Variants in PDE8B observed in about 807,000 individuals in gnomAD.
The protein encoded by PDE8B is high affinity cAMP-specific and IBMX-insensitive 3',5'-cyclic phosphodiesterase 8B.
In PDE8B, 26 loss-of-function variants were observed where a neutral mutation model predicts 101.3. The observed-to-expected ratio is 0.26, with a 90% CI of 0.19 to 0.36. The LOEUF (loss-of-function observed/expected upper bound fraction) is 0.36. Ranked by LOEUF, PDE8B falls within the 10% of genes least tolerant of loss-of-function variation. The pLI, the probability that PDE8B is intolerant of heterozygous loss-of-function variation, is 1.00. For synonymous variants in PDE8B, 424 were observed against 429.3 expected, an observed-to-expected ratio of 0.99 and a Z score of 0.15; for missense variants, 810 against 1,163.1, an observed-to-expected ratio of 0.70 and a Z score of 4.42.
chr5:77,290,075 G>A (rs564771026), intron 1 of PDE8B, among the ~76,000 whole-genome samples: 17 of 152,306 alleles, frequency 1.1e-4, no homozygotes, highest in African/African-American at 2.2e-4. Flanking sequence ...AGATACATCC[G>A]TGAGTAATAC....
chr5:77,107,998 G>C, the PDE8B span, among the ~76,000 whole-genome samples: 1 of 152,010 alleles, frequency 6.6e-6, no homozygotes, highest in African/African-American at 2.4e-5. Context: ...GTAACAGATC[G>C]CAGTCATTCC....
chr5:77,419,718 A>G, intron 18 of PDE8B, 49 bp from the exon 19 acceptor site: 1 of 1,609,892 alleles, frequency 6.2e-7, no homozygotes, highest in Non-Finnish European at 8.5e-7. Context: ...GAATAGTTAT[A>G]ATTTGAGACA....
At chr5:77,104,906 C>T in the PDE8B span, 1 of 152,156 alleles carries the variant, frequency 6.6e-6, no homozygotes, top group African/African-American at 2.4e-5. Context: ...TTAATCAAGA[C>T]ACAGAATGTT....
the PDE8B span, among the ~76,000 whole-genome samples, chr5:77,126,000 G>C: frequency 1.3e-5 from 2 of 152,178 alleles, no homozygotes; most frequent in African/African-American, 4.8e-5. Context: ...TTAAAAGTTA[G>C]TTACAGCCGG....
At chr5:77,115,802 CGCT>C in the PDE8B span, among the ~76,000 whole-genome samples, 2 of 152,134 alleles carry the variant, frequency 1.3e-5, no homozygotes, top group African/African-American at 4.8e-5. Flanking sequence ...ACCCTCTTGA[CGCT>C]GGAGGTACAG....
At chr5:77,379,372 G>A (rs1787013234) in intron 10 of PDE8B, among the ~76,000 whole-genome samples, 1 of 152,132 alleles carries the variant, frequency 6.6e-6, no homozygotes, top group South Asian at 2.1e-4. Context: ...TTCATATGCA[G>A]TTTCATCTAT....
chr5:77,421,720 A>C (rs1796685813), intron 19 of PDE8B, 101 bp from the exon 20 acceptor site: 1 of 1,084,090 alleles, frequency 9.2e-7, no homozygotes, highest in African/African-American at 1.5e-5. Context: ...TCCCAGTCCT[A>C]CCTGTGTGCT....
Position 77,427,997 on chromosome 5 carries a change from G to GT in PDE8B, c.*1450dup, listed in dbSNP as rs1200860767. The GT allele has an allele frequency of 2.6e-5, 4 of 152,180 alleles. No individual in the cohort carries two copies. The highest frequency in any genetic ancestry group is 2.9e-5 in the Non-Finnish European group (2 of 67,974). 9.4% of individuals were successfully genotyped at this position (152,180 alleles called of 1,614,324 possible). A position where few individuals can be genotyped will look rare whatever the true frequency, so the allele number is the denominator to read the frequency against. On this transcript the variant is annotated 3_prime_UTR_variant, in exon 22 of 22. Transcript: ENST00000264917. ...ACTTATCACTACATAATGTGCCAATGTTTTTTTCTATGTTTTGTACCAAAA... is the reference window on the plus strand; with the variant it reads ...ACTTATCACTACATAATGTGCCAATGTTTTTTTTCTATGTTTTGTACCAAAA...
chr5:77,337,375 T>A (rs1778391776), intron 6 of PDE8B, 60 bp downstream of exon 6: 2 of 880,494 alleles, frequency 2.3e-6, no homozygotes. Flanking sequence ...ATCTTATCTG[T>A]CAACAGGCTG....
the PDE8B span, among the ~76,000 whole-genome samples, chr5:77,127,370 T>TCTCA: frequency 6.6e-6 from 1 of 152,122 alleles, no homozygotes; most frequent in Non-Finnish European, 1.5e-5. Context: ...TGCTTACACT[T>TCTCA]CTCACTCCCG....
In PDE8B at chr5:77,337,324, CA is replaced by C; in HGVS notation, c.797+13del. ...TCCCAGTTCAAATTACGGTATGTAG[CA>C]AAATGATACAGTAACATGAGGTTAA... On this transcript the variant is annotated intron_variant, in intron 6 of 21. Coordinates refer to ENST00000264917, the MANE Select transcript of PDE8B (RefSeq NM_003719.5). 1.5e-6 allele frequency: 2 copies of C among 1,328,998 alleles called. No individual in the cohort carries two copies. Among genetic ancestry groups the C allele is most frequent in the Non-Finnish European group, 2.2e-6 (2 of 923,584 alleles). 82.3% of individuals were successfully genotyped at this position (1,328,998 alleles called of 1,614,324 possible). A position where few individuals can be genotyped will look rare whatever the true frequency, so the allele number is the denominator to read the frequency against.
At chr5:77,259,220 G>A (rs1391616084) in intron 1 of PDE8B, among the ~76,000 whole-genome samples, 3 of 151,840 alleles carry the variant, frequency 2.0e-5, no homozygotes, top group Non-Finnish European at 2.9e-5. Context: ...CCCTCACTCC[G>A]GTGGCAGTCA....
intron 15 of PDE8B, 48 bp downstream of exon 15, chr5:77,411,769 T>C (rs1266078791): frequency 1.4e-6 from 2 of 1,383,964 alleles, no homozygotes; most frequent in Non-Finnish European, 2.1e-6. Context: ...CTCCAGCCTG[T>C]GCTGTCCCCG....
the PDE8B span, chr5:77,144,865 T>G: frequency 6.6e-6 from 1 of 152,138 alleles, no homozygotes; most frequent in Non-Finnish European, 1.5e-5. Context: ...TCTGATTAAA[T>G]TCTTCAATGT....
chr5:77,235,101 A>G (rs1304378661), intron 1 of PDE8B, among the ~76,000 whole-genome samples: 2 of 152,062 alleles, frequency 1.3e-5, no homozygotes, highest in East Asian at 1.9e-4. Flanking sequence ...GAGGCCTACA[A>G]TCTGTTGTTT....
chr5:77,398,547 C>A (rs1791567936), intron 10 of PDE8B, among the ~76,000 whole-genome samples: 1 of 152,078 alleles, frequency 6.6e-6, no homozygotes, highest in Non-Finnish European at 1.5e-5. Context: ...GTCTTGAACT[C>A]CTGACCTGAA....
the PDE8B span, among the ~76,000 whole-genome samples, chr5:77,120,191 C>T: frequency 6.6e-6 from 1 of 152,048 alleles, no homozygotes; most frequent in Non-Finnish European, 1.5e-5. Context: ...TGGTATTTTC[C>T]TATTTAAAGT....
chr5:77,297,503 TC>T (rs1768864650), intron 1 of PDE8B, among the ~76,000 whole-genome samples: 1 of 152,146 alleles, frequency 6.6e-6, no homozygotes, highest in Admixed American at 6.5e-5. Flanking sequence ...TCTAATAAGT[TC>T]CATGTGATGC....
At chr5:77,163,106 C>T in the PDE8B span, among the ~76,000 whole-genome samples, 2 of 152,082 alleles carry the variant, frequency 1.3e-5, no homozygotes, top group Non-Finnish European at 2.9e-5. Flanking sequence ...ACCCATGAGG[C>T]GGGCATATAA....
Sources: allele counts gnomAD v4.1 joint callset (sites outside exome capture counted in the v4.1 genomes callset), GRCh38; gene constraint gnomAD v4.1.1; transcripts MANE v1.5; gene names NCBI Gene and HGNC (gene_info 2026-07-23, HGNC 2026-07-21).